Variants in PIGB observed in about 807,000 individuals in gnomAD.
PIGB encodes the protein GPI alpha-1,2-mannosyltransferase 3.
In PIGB, 58 loss-of-function variants were observed where a neutral mutation model predicts 68.4. The observed-to-expected ratio is 0.85, with a 90% confidence interval of 0.69 to 1.06. The LOEUF (loss-of-function observed/expected upper bound fraction) is 1.06. PIGB is among the 50% of genes least tolerant of loss of function. PIGB has a pLI of 0.00. For missense variants in PIGB, 634 were observed against 655.8 expected (o/e 0.97, Z 0.36); for synonymous variants, 219 against 220.5 (o/e 0.99, Z 0.06).
At chr15:55,323,465 A>T (rs888169355) in intron 3 of PIGB, among the ~76,000 whole-genome samples, 1 of 152,160 alleles carries the variant, frequency 6.6e-6, no homozygotes, top group African/African-American at 2.4e-5. Flanking sequence ...TCTACAAAAA[A>T]TTTTTAAAAA....
intron 10 of PIGB, chr15:55,351,903 T>C (rs2141221481): frequency 1.3e-5 from 2 of 148,600 alleles, no homozygotes; most frequent in South Asian, 2.1e-4. Context: ...ACATGGATTT[T>C]AGTCCAGATT....
intron 3 of PIGB, among the ~76,000 whole-genome samples, chr15:55,325,551 A>C (rs1426400220): frequency 1.3e-5 from 2 of 152,124 alleles, no homozygotes; most frequent in Non-Finnish European, 2.9e-5. Flanking sequence ...TCAGTTTTAC[A>C]CTTAAATTTA....
intron 3 of PIGB, among the ~76,000 whole-genome samples, chr15:55,323,447 ACT>A (rs1047281609): frequency 9.9e-5 from 15 of 152,074 alleles, no homozygotes; most frequent in Non-Finnish European, 1.8e-4. Context: ...ACATAGCAAA[ACT>A]CTGTTTCTAC....
intron 1 of PIGB, chr15:55,319,999 T>C (rs2055125727): frequency 3.6e-6 from 1 of 277,768 alleles, no homozygotes. Context: ...CCTAAGGCCT[T>C]AGTTAACCCA....
In PIGB at chr15:55,339,304, A is replaced by AT. The variant is rs756552559; in HGVS notation, c.840dup (p.Gly281TrpfsTer9). ...GAGTTTGTCTCTGATGATTGATCGT[A>AT]TTTTTTTTGGCCAAGTAAGTAAAAG... On this transcript the variant is annotated frameshift_variant, in exon 7 of 12. Coordinates refer to ENST00000164305, the MANE Select transcript of PIGB (RefSeq NM_004855.5). LOFTEE classifies it high-confidence loss of function. 124 of 1,547,078 alleles carry AT rather than the reference A, an allele frequency of 8.0e-5. No homozygotes were observed. The highest frequency in any genetic ancestry group is 1.7e-4 in the Middle Eastern group (1 of 5,982).
At chr15:55,344,888 ATCTT>A (rs1307174233) in intron 9 of PIGB, among the ~76,000 whole-genome samples, 6 of 111,454 alleles carry the variant, frequency 5.4e-5, no homozygotes, top group African/African-American at 2.1e-4. Flanking sequence ...CCATATTCTT[ATCTT>A]TTTTTTTTTT....
intron 10 of PIGB, among the ~76,000 whole-genome samples, chr15:55,352,472 G>A (rs1395482318): frequency 6.6e-6 from 1 of 152,192 alleles, no homozygotes; most frequent in Non-Finnish European, 1.5e-5. Context: ...TAGGGGCAAA[G>A]GAGCCAGATT....
intron 6 of PIGB, among the ~76,000 whole-genome samples, chr15:55,339,009 G>A (rs999930581): frequency 2.0e-5 from 3 of 152,112 alleles, no homozygotes; most frequent in Admixed American, 1.3e-4. Context: ...AAGTTTTGGG[G>A]TAATTTGTTA....
rs1257921201 is a variant in PIGB, at chr15:55,355,201, A to G, written c.1519-85A>G. 8 of 1,106,664 alleles carry G rather than the reference A, an allele frequency of 7.2e-6. No homozygotes were observed. The East Asian group carries it at 1.5e-4, about 20-fold the overall frequency. The allele number at this position is 1,106,664 out of a possible 1,614,324, so 68.6% of individuals were successfully genotyped here. ...ATTAAGCAAAAAGTTGTAGACAGCA[A>G]TTAGAATAGGCAATTCTAAAATTGA... On this transcript the variant is annotated intron_variant, in intron 11 of 11. Coordinates refer to ENST00000164305, the MANE Select transcript of PIGB (RefSeq NM_004855.5).
Position 55,350,919 on chromosome 15 carries a change from A to AG in PIGB, c.1337+7_1337+8insG. 1.4e-6 allele frequency: 2 copies of AG among 1,428,056 alleles called. No individual in the cohort carries two copies. Among genetic ancestry groups the AG allele is most frequent in the Non-Finnish European group, 2.0e-6 (2 of 1,017,634 alleles). The allele number at this position is 1,428,056 out of a possible 1,614,324, so 88.5% of individuals were successfully genotyped here. ...ACTCTACTCCTTATTACAGGTAATA[A>AG]AAGATGTTCCACTATATGCTGTTAA... is the stretch of plus-strand genomic sequence containing the variant. On this transcript the variant is annotated splice_region_variant and intron_variant, in intron 10 of 11. Transcript: ENST00000164305.
chr15:55,340,593 T>A lies in PIGB; in HGVS notation c.847-19T>A. The A allele has an allele frequency of 6.4e-7, 1 of 1,559,886 alleles. No homozygotes were observed. Among genetic ancestry groups the A allele is most frequent in the South Asian group, 1.2e-5 (1 of 86,698 alleles). On this transcript the variant is annotated intron_variant, in intron 7 of 11. Transcript: ENST00000164305. ...TGGCACTAACACATTTCTATTTATT[T>A]TTCCTTCAACGGTGCCAGTGGACTC...
At chr15:55,345,986 AT>A (rs142750779) in intron 9 of PIGB, among the ~76,000 whole-genome samples, 4,125 of 152,042 alleles carry the variant, frequency 0.027, 182 homozygotes, top group African/African-American at 0.091. Context: ...TGTGGTAGGG[AT>A]TTTTTTTCTT....
At chr15:55,353,811 G>T (rs1244253228) in intron 10 of PIGB, among the ~76,000 whole-genome samples, 2 of 151,776 alleles carry the variant, frequency 1.3e-5, no homozygotes, top group South Asian at 4.2e-4. Context: ...CACCATGTTG[G>T]CCAGGCTGGT....
chr15:55,350,303 G>A (rs1200932674), intron 9 of PIGB: 6 of 177,564 alleles, frequency 3.4e-5, no homozygotes, highest in Non-Finnish European at 7.2e-5. Context: ...AAAGAGGTAG[G>A]TAAATGGAAT....
chr15:55,329,495 G>C (rs2055365515), intron 4 of PIGB, among the ~76,000 whole-genome samples: 1 of 152,168 alleles, frequency 6.6e-6, no homozygotes, highest in African/African-American at 2.4e-5. Context: ...AAATGCACCT[G>C]AAAGTATAAA....
intron 10 of PIGB, among the ~76,000 whole-genome samples, chr15:55,352,228 C>T (rs917148355): frequency 6.6e-6 from 1 of 152,048 alleles, no homozygotes; most frequent in African/African-American, 2.4e-5. Context: ...GGATTACAGG[C>T]GTGAGCCACC....
In PIGB at chr15:55,320,347, A is replaced by C; in HGVS notation, c.236A>C (p.Gln79Pro). 5.0e-6 allele frequency: 8 copies of C among 1,613,352 alleles called. No homozygotes were observed. The highest frequency in any genetic ancestry group is 6.8e-6 in the Non-Finnish European group (8 of 1,179,360). The change falls in exon 2 of 12, where the codon CAG becomes CCG. Residue 79 changes from glutamine (Q) to proline (P), a missense_variant. Transcript: ENST00000164305. ...ALRILNCFLV[Q>P]TSFVPDEYWQ... ...CGAATATTAAACTGCTTTTTAGTGC[A>C]GACAAGTTTTGTTCCAGATGAATAC... is the stretch of plus-strand genomic sequence containing the variant.
chr15:55,338,622 G>A (rs1162795833), intron 6 of PIGB, among the ~76,000 whole-genome samples: 1 of 152,042 alleles, frequency 6.6e-6, no homozygotes, highest in African/African-American at 2.4e-5. Context: ...ACTCCAGCCT[G>A]GGTGACAGAG....
Position 55,319,338 on chromosome 15 carries a change from G to A in PIGB, c.88G>A (p.Gly30Ser), listed in dbSNP as rs2055107012. 1.3e-6 allele frequency: 2 copies of A among 1,581,674 alleles called. No homozygotes were observed. Among genetic ancestry groups the A allele is most frequent in the Middle Eastern group, 1.7e-4 (1 of 6,018 alleles). Residue 30 changes from glycine to serine, a missense_variant, in exon 1 of 12, where the codon GGC becomes AGC. By Grantham distance (56) the Gly-to-Ser change is moderately conservative (BLOSUM62 0). Coordinates refer to ENST00000164305, the MANE Select transcript of PIGB (RefSeq NM_004855.5). ...GCATGGTCTCCAGAACCGCTCCCACGGCAAGATAAAGCTGCGAAAGAGAAA... is the reference window on the plus strand; with the variant it reads ...GCATGGTCTCCAGAACCGCTCCCACAGCAAGATAAAGCTGCGAAAGAGAAA... ...TLHGLQNRSH[G>S]KIKLRKRKST...
Sources: allele counts gnomAD v4.1 joint callset (sites outside exome capture counted in the v4.1 genomes callset), GRCh38; gene constraint gnomAD v4.1.1; transcripts MANE v1.5; gene names NCBI Gene and HGNC (gene_info 2026-07-23, HGNC 2026-07-21).